GALNTL6: variants seen among roughly 807,000 people sequenced by gnomAD.
GALNTL6 encodes polypeptide N-acetylgalactosaminyltransferase-like 6.
GALNTL6 carries 46 observed loss-of-function variants against 73.7 expected under a neutral mutation model. That is an observed-to-expected ratio of 0.62 (90% CI 0.49 to 0.80). GALNTL6 has a LOEUF of 0.80. GALNTL6 is among the 30% of genes least tolerant of loss of function. The probability of loss-of-function intolerance (pLI) is 0.00; values close to 1 mark genes in which losing one functional copy is unlikely to be tolerated. For missense variants in GALNTL6, 604 were observed against 755.0 expected (o/e 0.80, Z 2.34); for synonymous variants, 259 against 263.7 (o/e 0.98, Z 0.17).
intron 10 of GALNTL6, among the ~76,000 whole-genome samples, chr4:173,004,361 C>T (rs1752179488): frequency 6.6e-6 from 1 of 152,208 alleles, no homozygotes; most frequent in African/African-American, 2.4e-5. Flanking sequence ...GGCAGAGTGG[C>T]TCACGCCTAT....
chr4:172,211,827 G>C (rs1265387779), intron 2 of GALNTL6, among the ~76,000 whole-genome samples: 1 of 152,144 alleles, frequency 6.6e-6, no homozygotes, highest in Non-Finnish European at 1.5e-5. Context: ...GGGCAAGATA[G>C]CTTGCTTAAG....
At chr4:172,890,906 CTTG>C (rs889756569) in intron 8 of GALNTL6, among the ~76,000 whole-genome samples, 4 of 152,114 alleles carry the variant, frequency 2.6e-5, no homozygotes, top group Non-Finnish European at 2.9e-5. Flanking sequence ...TAATAATTGT[CTTG>C]TTGTTGAATT....
At chr4:172,007,911 A>AT (rs913929880) in intron 2 of GALNTL6, among the ~76,000 whole-genome samples, 10 of 151,220 alleles carry the variant, frequency 6.6e-5, no homozygotes, top group East Asian at 3.9e-4. Flanking sequence ...TTTTTATTAG[A>AT]TTTTTTTTTC....
intron 5 of GALNTL6, among the ~76,000 whole-genome samples, chr4:172,499,381 C>G (rs907367882): frequency 6.6e-6 from 1 of 152,158 alleles, no homozygotes; most frequent in Non-Finnish European, 1.5e-5. Context: ...GAGGAAGGCC[C>G]TCACAAGACT....
At chr4:171,985,587 T>G (rs1232299722) in intron 2 of GALNTL6, among the ~76,000 whole-genome samples, 3 of 152,146 alleles carry the variant, frequency 2.0e-5, no homozygotes, top group African/African-American at 7.2e-5. Flanking sequence ...CATGGATTAT[T>G]ATGTTACACA....
chr4:172,705,909 T>G (rs1457956276), intron 5 of GALNTL6, among the ~76,000 whole-genome samples: 1 of 152,166 alleles, frequency 6.6e-6, no homozygotes, highest in East Asian at 1.9e-4. Context: ...CTATTTGTCC[T>G]TGAACTTTGA....
At chr4:172,420,475 A>G (rs550570618) in intron 5 of GALNTL6, among the ~76,000 whole-genome samples, 1 of 152,294 alleles carries the variant, frequency 6.6e-6, no homozygotes, top group South Asian at 2.1e-4. Flanking sequence ...TAAGTGATTT[A>G]GTATGAATGT....
At chr4:172,461,887 T>C (rs1490788452) in intron 5 of GALNTL6, among the ~76,000 whole-genome samples, 3 of 152,146 alleles carry the variant, frequency 2.0e-5, no homozygotes, top group South Asian at 2.1e-4. Context: ...TCTGTGAAGG[T>C]GTTTTTGGAA....
At chr4:172,602,375 A>G (rs1333387542) in intron 5 of GALNTL6, among the ~76,000 whole-genome samples, 2 of 152,120 alleles carry the variant, frequency 1.3e-5, no homozygotes, top group African/African-American at 4.8e-5. Flanking sequence ...ATTAGTACAT[A>G]TTATGGGGTT....
chr4:172,680,652 T>C (rs541489775), intron 5 of GALNTL6, among the ~76,000 whole-genome samples: 1 of 152,320 alleles, frequency 6.6e-6, no homozygotes, highest in South Asian at 2.1e-4. Context: ...TCTATGATCC[T>C]ATTTTAAAAA....
intron 5 of GALNTL6, among the ~76,000 whole-genome samples, chr4:172,645,470 C>T (rs540575107): frequency 6.6e-6 from 1 of 151,984 alleles, no homozygotes; most frequent in Admixed American, 6.6e-5. Flanking sequence ...CACCAAGTTG[C>T]AGTGGCACTT....
chr4:172,356,802 C>T (rs1288002383), intron 5 of GALNTL6, among the ~76,000 whole-genome samples: 1 of 152,062 alleles, frequency 6.6e-6, no homozygotes, highest in African/African-American at 2.4e-5. Flanking sequence ...ATTTTATATG[C>T]TTTGATAAAT....
chr4:172,641,701 C>T (rs991973416), intron 5 of GALNTL6, among the ~76,000 whole-genome samples: 10 of 152,052 alleles, frequency 6.6e-5, no homozygotes, highest in Middle Eastern at 3.2e-3. Context: ...CATTACTTAC[C>T]ATTTATGTAA....
intron 5 of GALNTL6, among the ~76,000 whole-genome samples, chr4:172,751,700 C>A (rs1737432802): frequency 1.3e-5 from 2 of 152,220 alleles, no homozygotes; most frequent in Non-Finnish European, 2.9e-5. Flanking sequence ...CTGGGCACAT[C>A]CACAAGACAC....
At chr4:172,491,292 G>T (rs550457636) in intron 5 of GALNTL6, among the ~76,000 whole-genome samples, 10 of 151,886 alleles carry the variant, frequency 6.6e-5, no homozygotes, top group Non-Finnish European at 1.2e-4. Context: ...ATTATCCATG[G>T]TCTGCCTTTC....
chr4:172,268,094 A>G (rs895465677), intron 3 of GALNTL6, among the ~76,000 whole-genome samples: 3 of 152,220 alleles, frequency 2.0e-5, no homozygotes, highest in East Asian at 1.9e-4. Context: ...TTATGCCCCA[A>G]TGAATTCCAT....
At chr4:172,366,645 A>C (rs146484755) in intron 5 of GALNTL6, among the ~76,000 whole-genome samples, 46 of 152,312 alleles carry the variant, frequency 3.0e-4, no homozygotes, top group African/African-American at 1.1e-3. Context: ...ATAGAAACAA[A>C]TACCAGAGAG....
intron 2 of GALNTL6, among the ~76,000 whole-genome samples, chr4:171,819,503 C>T (rs1734627596): frequency 6.6e-6 from 1 of 152,020 alleles, no homozygotes; most frequent in Admixed American, 6.6e-5. Context: ...CAAAAGGAGC[C>T]AAATCAAGTT....
At chr4:172,845,149 C>T (rs1322072026) in intron 7 of GALNTL6, among the ~76,000 whole-genome samples, 2 of 142,884 alleles carry the variant, frequency 1.4e-5, no homozygotes, top group East Asian at 2.1e-4. Context: ...ACCCAGGAGG[C>T]GGAGGTTGCA....
Sources: gnomAD v4.1 joint callset for allele counts (sites outside exome capture counted in the v4.1 genomes callset) on GRCh38, gnomAD v4.1.1 for gene constraint, MANE v1.5 for transcripts, NCBI Gene and HGNC (gene_info 2026-07-23, HGNC 2026-07-21) for gene names.